LMF1: variants seen among roughly 807,000 people sequenced by gnomAD.
LMF1 encodes lipase maturation factor 1.
LMF1 carries 68 observed loss-of-function variants against 60.6 expected under a neutral mutation model. The ratio of observed to expected loss-of-function variants is 1.12; its 90% CI spans 0.92 to 1.37. The LOEUF is 1.37. Among genes scored for constraint, LMF1 ranks in the 40% most tolerant of loss-of-function variants. The pLI, the probability that LMF1 is intolerant of heterozygous loss-of-function variation, is 0.00. For synonymous variants in LMF1, 418 were observed against 324.7 expected, an observed-to-expected ratio of 1.29 and a Z score of -3.09; for missense variants, 948 against 767.2, an observed-to-expected ratio of 1.24 and a Z score of -2.78.
At chr16:896,740 T>G (rs2070673277) in intron 4 of LMF1, among the ~76,000 whole-genome samples, 1 of 151,940 alleles carries the variant, frequency 6.6e-6, no homozygotes, top group Admixed American at 6.6e-5. Context: ...AATCCGAGAG[T>G]GGAACTCTAT....
In LMF1 at chr16:874,591, G is replaced by A. The variant is rs224167; in HGVS notation, c.898-3250C>T. ...GCCCCAGGGCCCCGCGGAACCCTCCGGAACAGCTGTGTAAACTGCGTGGGA... is the reference window on the plus strand; with the variant it reads ...GCCCCAGGGCCCCGCGGAACCCTCCAGAACAGCTGTGTAAACTGCGTGGGA... On this transcript the variant is annotated intron_variant, in intron 6 of 10. Coordinates refer to ENST00000262301, the MANE Select transcript of LMF1 (RefSeq NM_022773.4). The surrounding 1 kb of genome is among the most constrained non-coding windows in gnomAD (Gnocchi z 4.1). Among the ~76,000 whole-genome samples, 60,639 of 152,084 alleles carry A rather than the reference G, an allele frequency of 0.4. 12,805 individuals carry two copies. The highest frequency in any genetic ancestry group is 0.49 in the Middle Eastern group (145 of 294).
chr16:914,245 G>A (rs950917530), intron 3 of LMF1, among the ~76,000 whole-genome samples: 15 of 152,038 alleles, frequency 9.9e-5, no homozygotes, highest in African/African-American at 2.9e-4. Flanking sequence ...GGGAGCAAAC[G>A]TCTCCACGTT....
rs868757784 is a variant in LMF1 at position 859,091 on chromosome 16, T to A, written c.1530-4385A>T. On this transcript the variant is annotated intron_variant, in intron 10 of 10. Transcript: ENST00000262301. ...TCACGGGACGGGTGTGAGTGGTGTC[T>A]CGGGACGGGTGTGCAGTGATGTCTC... Among the ~76,000 whole-genome samples, 88 of 84,930 alleles carry A rather than the reference T, an allele frequency of 1.0e-3. 2 individuals carry two copies. The highest frequency in any genetic ancestry group is 1.6e-3 in the Admixed American group (13 of 8,196). The allele number at this position is 84,930 out of a possible 152,430, so 55.7% of individuals were successfully genotyped here.
At chr16:959,706 G>A (rs1026518010) in intron 1 of LMF1, among the ~76,000 whole-genome samples, 3 of 152,224 alleles carry the variant, frequency 2.0e-5, no homozygotes, top group Non-Finnish European at 4.4e-5. Flanking sequence ...GCACTCCAGG[G>A]CTTTCCCCCC....
At chr16:968,263 T>C (rs1226021076) in intron 1 of LMF1, 1 of 152,230 alleles carries the variant, frequency 6.6e-6, no homozygotes, top group Non-Finnish European at 1.5e-5. Context: ...AGGGCAGGCG[T>C]TTCTGTGTTC....
Position 970,888 on chromosome 16 carries a change from G to C in LMF1, c.93C>G (p.Pro31=), listed in dbSNP as rs766848340. 3 of 1,574,762 alleles carry C rather than the reference G, an allele frequency of 1.9e-6. No individual in the cohort carries two copies. The highest frequency in any genetic ancestry group is 2.3e-5 in the South Asian group (2 of 85,304). ...AGCCTGCGGGGCCACGCCCCGGCGC[G>C]GGCGGCGACTCAGGCTCCGGATCCG... is the stretch of plus-strand genomic sequence containing the variant. The part of the protein sequence containing the change: ...GYSDPEPESP[P]APGRGPAGSP... The change falls in exon 1 of 11, where the codon CCC becomes CCG. Residue 31 remains proline, a synonymous_variant. Coordinates refer to ENST00000262301, the MANE Select transcript of LMF1 (RefSeq NM_022773.4).
At chr16:918,268 G>A (rs1443050720) in intron 3 of LMF1, among the ~76,000 whole-genome samples, 2 of 152,186 alleles carry the variant, frequency 1.3e-5, no homozygotes, top group Non-Finnish European at 2.9e-5. Context: ...GCCCGGCCGC[G>A]CGGCTTGTTC....
Position 864,494 on chromosome 16 carries a change from G to T in LMF1, c.1529+4450C>A, listed in dbSNP as rs115724332. ...AAACAGGCCTGTGCTAGGTGATTTT[G>T]CCCAGTGTAGTCTAATGTAAGTGTT... is the stretch of plus-strand genomic sequence containing the variant. On this transcript the variant is annotated intron_variant, in intron 10 of 10. Transcript: ENST00000262301. Among the ~76,000 whole-genome samples, 892 of 152,232 alleles carry T rather than the reference G, an allele frequency of 5.9e-3. 10 individuals carry two copies. Among genetic ancestry groups the T allele is most frequent in the African/African-American group, 0.02 (839 of 41,540 alleles).
chr16:884,700 A>G (rs2070256456), intron 5 of LMF1, among the ~76,000 whole-genome samples: 1 of 151,264 alleles, frequency 6.6e-6, no homozygotes, highest in South Asian at 2.1e-4. Context: ...AGAGCTCTGG[A>G]AATGGTGATG....
At chr16:938,839 A>G (rs2072014803) in intron 2 of LMF1, among the ~76,000 whole-genome samples, 1 of 152,240 alleles carries the variant, frequency 6.6e-6, no homozygotes, top group Admixed American at 6.5e-5. Flanking sequence ...CAGGATGTAA[A>G]TATGTAAATA....
intron 10 of LMF1, among the ~76,000 whole-genome samples, chr16:862,100 A>G (rs1393459907): frequency 6.6e-6 from 1 of 152,126 alleles, no homozygotes; most frequent in Non-Finnish European, 1.5e-5. Context: ...TACGGAACCA[A>G]CCTTCATCCC....
At chr16:924,211 C>T (rs888270610) in intron 3 of LMF1, among the ~76,000 whole-genome samples, 1 of 152,150 alleles carries the variant, frequency 6.6e-6, no homozygotes, top group African/African-American at 2.4e-5. Flanking sequence ...GACATGTATA[C>T]ACAGTGTCTA....
At chr16:931,645 A>G in intron 3 of LMF1, 1 of 1,287,042 alleles carries the variant, frequency 7.8e-7, no homozygotes, top group Non-Finnish European at 1.0e-6. Flanking sequence ...GTCATACCTC[A>G]GTAACTGGCA....
chr16:875,050 G>A (rs2069933056), intron 6 of LMF1, among the ~76,000 whole-genome samples: 1 of 152,188 alleles, frequency 6.6e-6, no homozygotes, highest in Non-Finnish European at 1.5e-5. Context: ...CCACGCCGCA[G>A]AGCACAGCCA....
chr16:932,179 C>G (rs1018613666), intron 3 of LMF1, among the ~76,000 whole-genome samples: 3 of 152,242 alleles, frequency 2.0e-5, no homozygotes, highest in Non-Finnish European at 4.4e-5. Context: ...CACTTCCCCC[C>G]CACCCTACTT....
Position 897,434 on chromosome 16 carries a change from C to T in LMF1, c.664-4362G>A, listed in dbSNP as rs1038548695. ...CGCCGCCAGGCCTCCCTCCGAGCCA[C>T]AACCTCCTCCATCCTTCTGGCGTTA... On this transcript the variant is annotated intron_variant, in intron 4 of 10. Transcript: ENST00000262301. The surrounding 1 kb of genome is among the most constrained non-coding windows in gnomAD (Gnocchi z 4.3). Among the ~76,000 whole-genome samples, 27 of 152,232 alleles carry T rather than the reference C, an allele frequency of 1.8e-4. No homozygotes were observed. Among genetic ancestry groups the T allele is most frequent in the Non-Finnish European group, 3.1e-4 (21 of 68,042 alleles).
chr16:939,721 C>T (rs8062983), intron 2 of LMF1, among the ~76,000 whole-genome samples: 72,388 of 152,072 alleles, frequency 0.48, 18,881 homozygotes, highest in African/African-American at 0.69. Flanking sequence ...TGTGATTTGA[C>T]GGGAAGTAAA....
At chr16:975,033 G>A (rs367722720), upstream of LMF1, among the ~76,000 whole-genome samples, 4 of 152,288 alleles carry the variant, frequency 2.6e-5, no homozygotes, top group South Asian at 2.1e-4. Flanking sequence ...CACCCCCCAC[G>A]TGAGGCTGGC....
chr16:868,182 A>G (rs1322080802), intron 10 of LMF1, among the ~76,000 whole-genome samples: 2 of 151,740 alleles, frequency 1.3e-5, no homozygotes, highest in Non-Finnish European at 2.9e-5. Context: ...GACGTCTCCA[A>G]TCCTCCATGC....
Sources: gnomAD v4.1 joint callset for allele counts (sites outside exome capture counted in the v4.1 genomes callset) on GRCh38, gnomAD v4.1.1 for gene constraint, Gnocchi (gnomAD v3.1) non-coding constraint, MANE v1.5 for transcripts, NCBI Gene and HGNC (gene_info 2026-07-23, HGNC 2026-07-21) for gene names.